The following KCNB2 variants were observed in gnomAD, a reference collection of about 807,000 sequenced individuals.
KCNB2 encodes the protein potassium voltage-gated channel subfamily B member 2, also known as delayed rectifier potassium channel protein.
A neutral mutation model predicts 61.5 loss-of-function variants in KCNB2; 15 were observed. The observed-to-expected ratio is 0.24, with a 90% CI of 0.16 to 0.38. The LOEUF is 0.38. KCNB2 is among the 10% of genes least tolerant of loss of function. The pLI is 1.00. For synonymous variants in KCNB2, 457 were observed against 446.0 expected, an observed-to-expected ratio of 1.02 and a Z score of -0.31; for missense variants, 828 against 1,125.2, an observed-to-expected ratio of 0.74 and a Z score of 3.78.
intron 2 of KCNB2, among the ~76,000 whole-genome samples, chr8:72,769,900 G>C (rs971722722): frequency 1.8e-4 from 27 of 152,262 alleles, no homozygotes; most frequent in African/African-American, 6.3e-4. Context: ...TTTGGTGTCA[G>C]GTGTTAATAT....
intron 2 of KCNB2, among the ~76,000 whole-genome samples, chr8:72,777,199 A>G (rs1397265634): frequency 6.6e-6 from 1 of 152,210 alleles, no homozygotes; most frequent in African/African-American, 2.4e-5. Flanking sequence ...AAATAGTGCT[A>G]TCTAAACATA....
At chr8:72,725,209 T>A (rs1225780169) in intron 2 of KCNB2, among the ~76,000 whole-genome samples, 1 of 152,142 alleles carries the variant, frequency 6.6e-6, no homozygotes, top group East Asian at 1.9e-4. Context: ...CATATCTTGA[T>A]TGTACCTCAA....
chr8:72,846,788 G>A (rs902613195), intron 2 of KCNB2, among the ~76,000 whole-genome samples: 2 of 152,050 alleles, frequency 1.3e-5, no homozygotes, highest in African/African-American at 4.8e-5. Flanking sequence ...GGAGAAATAG[G>A]AATGCTTTTA....
intron 2 of KCNB2, among the ~76,000 whole-genome samples, chr8:72,589,299 G>A (rs965817648): frequency 4.0e-5 from 6 of 151,878 alleles, no homozygotes; most frequent in South Asian, 2.1e-4. Context: ...ACTATGTGTC[G>A]TCTATTGTCT....
At chr8:72,888,562 A>G (rs868502651) in intron 2 of KCNB2, among the ~76,000 whole-genome samples, 1 of 152,214 alleles carries the variant, frequency 6.6e-6, no homozygotes, top group African/African-American at 2.4e-5. Flanking sequence ...CAGGCTGACT[A>G]TTGTTTTTGA....
intron 2 of KCNB2, among the ~76,000 whole-genome samples, chr8:72,656,833 G>A (rs538507223): frequency 8.1e-4 from 123 of 152,164 alleles, no homozygotes; most frequent in African/African-American, 2.6e-3. Context: ...GATTTCCTCA[G>A]TGACTATCTC....
At chr8:72,676,047 A>G (rs1806648674) in intron 2 of KCNB2, among the ~76,000 whole-genome samples, 1 of 152,188 alleles carries the variant, frequency 6.6e-6, no homozygotes, top group Admixed American at 6.5e-5. Context: ...GTAAAGCAGC[A>G]ATAAACATTG....
intron 2 of KCNB2, among the ~76,000 whole-genome samples, chr8:72,574,075 A>G (rs1181041780): frequency 6.6e-6 from 1 of 152,248 alleles, no homozygotes; most frequent in East Asian, 1.9e-4. Context: ...CTTAAAATGT[A>G]TCATCCATGA....
intron 2 of KCNB2, among the ~76,000 whole-genome samples, chr8:72,770,078 T>C (rs965938307): frequency 6.6e-6 from 1 of 152,196 alleles, no homozygotes; most frequent in Non-Finnish European, 1.5e-5. Flanking sequence ...ATATTAGTTA[T>C]TCTTTGTAGA....
At chr8:72,665,053 A>C (rs896429399) in intron 2 of KCNB2, among the ~76,000 whole-genome samples, 6 of 152,224 alleles carry the variant, frequency 3.9e-5, no homozygotes, top group African/African-American at 1.4e-4. Flanking sequence ...ATCTAGGCCC[A>C]GGTAGGCACC....
intron 2 of KCNB2, among the ~76,000 whole-genome samples, chr8:72,893,451 C>T (rs1805934383): frequency 6.6e-6 from 1 of 152,004 alleles, no homozygotes; most frequent in Admixed American, 6.6e-5. Context: ...AAAAAACTTC[C>T]ATGTTTAGTA....
chr8:72,611,783 C>T (rs1164391203), intron 2 of KCNB2, among the ~76,000 whole-genome samples: 1 of 152,108 alleles, frequency 6.6e-6, no homozygotes, highest in African/African-American at 2.4e-5. Flanking sequence ...CAGGCATTGG[C>T]TCACTCCAGT....
chr8:72,673,665 G>A (rs909728719), intron 2 of KCNB2, among the ~76,000 whole-genome samples: 3 of 152,206 alleles, frequency 2.0e-5, no homozygotes, highest in Admixed American at 2.0e-4. Context: ...AACCTTGAAA[G>A]CATTATGTAA....
At chr8:72,587,541 A>G (rs1392706052) in intron 2 of KCNB2, among the ~76,000 whole-genome samples, 1 of 152,164 alleles carries the variant, frequency 6.6e-6, no homozygotes, top group Middle Eastern at 3.2e-3. Flanking sequence ...CAGCCTGGAC[A>G]ACATGGTGAA....
intron 2 of KCNB2, among the ~76,000 whole-genome samples, chr8:72,871,085 A>T (rs1214376266): frequency 6.6e-6 from 1 of 152,226 alleles, no homozygotes; most frequent in Non-Finnish European, 1.5e-5. Flanking sequence ...TGTGACCTTG[A>T]GCCAGACAAT....
intron 2 of KCNB2, among the ~76,000 whole-genome samples, chr8:72,580,518 G>A (rs145089329): frequency 5.2e-4 from 79 of 152,036 alleles, no homozygotes; most frequent in East Asian, 4.4e-3. Context: ...ATCTTATACC[G>A]TACCCACTTG....
chr8:72,709,957 A>G (rs1410810571), intron 2 of KCNB2, among the ~76,000 whole-genome samples: 1 of 152,144 alleles, frequency 6.6e-6, no homozygotes, highest in East Asian at 1.9e-4. Flanking sequence ...CTGATCCTGA[A>G]TGAAGCTGTA....
intron 2 of KCNB2, among the ~76,000 whole-genome samples, chr8:72,585,796 C>T (rs925188213): frequency 3.3e-5 from 5 of 152,184 alleles, no homozygotes. Flanking sequence ...TTTTTCTGAG[C>T]AGATTTGGAA....
Position 72,563,592 on chromosome 8 carries a change from G to A in KCNB2, c.-93-4050G>A, listed in dbSNP as rs531762703. The stretch of plus-strand genomic sequence containing the variant: ...ATCTAGGGATCAGGACAGGAAAGGA[G>A]GGAAAGCAAAGGAAGAAAGGTAGCA... On this transcript the variant is annotated intron_variant, in intron 1 of 2. Transcript: ENST00000523207. Among the ~76,000 whole-genome samples, 22 of 152,248 alleles carry A rather than the reference G, an allele frequency of 1.4e-4. No individual in the cohort carries two copies. In the South Asian group the frequency reaches 4.4e-3, roughly 30 times the overall value.
Sources: allele counts gnomAD v4.1 joint callset (sites outside exome capture counted in the v4.1 genomes callset), GRCh38; gene constraint gnomAD v4.1.1; transcripts MANE v1.5; gene names NCBI Gene and HGNC (gene_info 2026-07-23, HGNC 2026-07-21).